NRG1: variants seen among roughly 807,000 people sequenced by gnomAD.
NRG1 encodes the protein pro-neuregulin-1, membrane-bound isoform.
In NRG1, 18 loss-of-function variants were observed where a neutral mutation model predicts 63.8. The ratio of observed to expected loss-of-function variants is 0.28; its 90% CI spans 0.19 to 0.42. The LOEUF is 0.42. Ranked by LOEUF, NRG1 falls within the 10% of genes least tolerant of loss-of-function variation. The pLI is 1.00. For synonymous variants in NRG1, 302 were observed against 301.3 expected, an observed-to-expected ratio of 1.00 and a Z score of -0.02; for missense variants, 762 against 814.7, an observed-to-expected ratio of 0.94 and a Z score of 0.79.
intron 1 of NRG1, among the ~76,000 whole-genome samples, chr8:31,857,492 A>C (rs1011867794): frequency 1.3e-5 from 2 of 152,170 alleles, no homozygotes; most frequent in Admixed American, 6.5e-5. Context: ...ATGCGCACCC[A>C]CTGACCTGCG....
At chr8:31,815,855 G>A (rs886860094) in intron 1 of NRG1, among the ~76,000 whole-genome samples, 1 of 151,732 alleles carries the variant, frequency 6.6e-6, no homozygotes, top group Non-Finnish European at 1.5e-5. Flanking sequence ...TCTTTTGTTA[G>A]TAATGGGTGT....
At chr8:31,815,530 T>C (rs1823352285) in intron 1 of NRG1, among the ~76,000 whole-genome samples, 1 of 152,222 alleles carries the variant, frequency 6.6e-6, no homozygotes, top group Non-Finnish European at 1.5e-5. Context: ...ACTTTTTATC[T>C]ATCATGAATA....
chr8:31,901,403 T>C (rs1044929621), intron 1 of NRG1, among the ~76,000 whole-genome samples: 1 of 152,146 alleles, frequency 6.6e-6, no homozygotes, highest in African/African-American at 2.4e-5. Flanking sequence ...AGTTATGACC[T>C]AGAATCTGAA....
intron 5 of NRG1, among the ~76,000 whole-genome samples, chr8:32,708,833 T>C (rs1435585622): frequency 6.6e-6 from 1 of 152,164 alleles, no homozygotes; most frequent in Non-Finnish European, 1.5e-5. Flanking sequence ...TTATCACACA[T>C]GGGTACATAT....
rs148219208 is a variant in NRG1, at chr8:31,870,316, A to G, written c.37+230885A>G. On this transcript the variant is annotated intron_variant, in intron 1 of 10. Coordinates refer to the NRG1 transcript ENST00000519301. ...ACATAATCAGAAGGTAAGGAACCCA[A>G]TTATGAGATAGGTGTGATAACATAG... Among the ~76,000 whole-genome samples the G allele has an allele frequency of 1.9e-3, 294 of 152,330 alleles. 3 individuals are homozygous for G. Among genetic ancestry groups the G allele is most frequent in the African/African-American group, 6.7e-3 (280 of 41,592 alleles).
chr8:32,695,975 G>A (rs1034333607), intron 5 of NRG1, among the ~76,000 whole-genome samples: 2 of 152,124 alleles, frequency 1.3e-5, no homozygotes, highest in Non-Finnish European at 2.9e-5. Context: ...CAATGAAAGC[G>A]ACCACAAAAT....
intron 1 of NRG1, among the ~76,000 whole-genome samples, chr8:32,051,313 A>G (rs545250135): frequency 6.6e-6 from 1 of 152,268 alleles, no homozygotes; most frequent in East Asian, 1.9e-4. Context: ...CAGGGACCCA[A>G]CTTGGAAGGG....
chr8:31,680,470 C>T lies in NRG1; in HGVS notation c.37+41039C>T, dbSNP rs202121378. Among the ~76,000 whole-genome samples, 54 of 152,012 alleles carry T rather than the reference C, an allele frequency of 3.6e-4. 1 individual carries two copies. In the East Asian group the frequency reaches 9.7e-3, roughly 27 times the overall value. ...TCCATGTCCCTACAAAGGACATGAACTCATCATTTTTATGGCTGCATAGTA... is the reference window on the plus strand; with the variant it reads ...TCCATGTCCCTACAAAGGACATGAATTCATCATTTTTATGGCTGCATAGTA... On this transcript the variant is annotated intron_variant, in intron 1 of 10. Transcript: ENST00000519301.
intron 5 of NRG1, among the ~76,000 whole-genome samples, chr8:32,633,506 C>T (rs997781974): frequency 1.7e-4 from 26 of 152,020 alleles, no homozygotes; most frequent in African/African-American, 4.1e-4. Context: ...TAACTGGATC[C>T]GGAGTGAAGG....
intron 1 of NRG1, among the ~76,000 whole-genome samples, chr8:31,763,632 A>G (rs764475729): frequency 6.6e-6 from 1 of 152,242 alleles, no homozygotes. Context: ...GAGAATGGAA[A>G]TAAAGGGATA....
chr8:31,807,680 T>C (rs1057230524), intron 1 of NRG1, among the ~76,000 whole-genome samples: 6 of 152,208 alleles, frequency 3.9e-5, no homozygotes, highest in African/African-American at 1.4e-4. Context: ...ATAGTGGATT[T>C]CTAGCATTTG....
intron 1 of NRG1, among the ~76,000 whole-genome samples, chr8:31,786,910 T>G (rs1013215044): frequency 6.6e-6 from 1 of 152,066 alleles, no homozygotes; most frequent in Non-Finnish European, 1.5e-5. Context: ...GATTAAACCA[T>G]CGGACCCTGG....
At chr8:32,105,183 A>G (rs1187448827) in intron 1 of NRG1, among the ~76,000 whole-genome samples, 2 of 152,184 alleles carry the variant, frequency 1.3e-5, no homozygotes, top group Non-Finnish European at 2.9e-5. Flanking sequence ...TTATAACCTT[A>G]TAGGTCCACA....
chr8:32,374,274 C>A (rs1809328298), intron 1 of NRG1, among the ~76,000 whole-genome samples: 1 of 152,170 alleles, frequency 6.6e-6, no homozygotes, highest in African/African-American at 2.4e-5. Flanking sequence ...AAAAGCAGTG[C>A]ATTGGTGTGA....
chr8:31,916,803 T>G (rs1393462111), intron 1 of NRG1, among the ~76,000 whole-genome samples: 3 of 152,036 alleles, frequency 2.0e-5, no homozygotes, highest in Non-Finnish European at 4.4e-5. Flanking sequence ...ATGGTTGAAC[T>G]AGTTTACAGT....
chr8:32,017,193 C>T (rs942694229), intron 1 of NRG1, among the ~76,000 whole-genome samples: 1 of 152,156 alleles, frequency 6.6e-6, no homozygotes, highest in Admixed American at 6.5e-5. Context: ...AGCCTTATCT[C>T]TGCATATTTT....
chr8:32,690,286 C>T (rs1811233959), intron 5 of NRG1, among the ~76,000 whole-genome samples: 1 of 152,098 alleles, frequency 6.6e-6, no homozygotes. Flanking sequence ...ACCCTTAATT[C>T]CACTGGTCCC....
intron 1 of NRG1, among the ~76,000 whole-genome samples, chr8:32,428,645 C>T (rs1446719242): frequency 5.3e-5 from 8 of 152,196 alleles, no homozygotes; most frequent in East Asian, 1.9e-4. Flanking sequence ...ATTCCTAGAA[C>T]TAAATACCTG....
chr8:32,392,990 C>T lies in NRG1; in HGVS notation c.38-202838C>T, dbSNP rs993346663. ...CTGTCCCACTGTCTCTGCCCTCACA[C>T]TGACCACTTCATTACTGGTTGTTTT... On this transcript the variant is annotated intron_variant, in intron 1 of 10. Transcript: ENST00000519301. Among the ~76,000 whole-genome samples, 5 of 152,222 alleles carry T rather than the reference C, an allele frequency of 3.3e-5. 1 individual carries two copies. Among genetic ancestry groups the T allele is most frequent in the Admixed American group, 2.6e-4 (4 of 15,280 alleles).
Sources: allele counts gnomAD v4.1 joint callset (sites outside exome capture counted in the v4.1 genomes callset), GRCh38; gene constraint gnomAD v4.1.1; transcripts MANE v1.5; gene names NCBI Gene and HGNC (gene_info 2026-07-23, HGNC 2026-07-21).